The following ARB2A variants were observed in gnomAD, a reference collection of about 807,000 sequenced individuals.
The protein encoded by ARB2A is ARB2 cotranscriptional regulator A, also known as cotranscriptional regulator ARB2A.
chr5:93,736,524 T>G, the ARB2A span: 1 of 152,116 alleles, frequency 6.6e-6, no homozygotes, highest in African/African-American at 2.4e-5. Flanking sequence ...AGTCATTTAC[T>G]CTTACACAAA....
chr5:93,870,336 C>T, the ARB2A span, among the ~76,000 whole-genome samples: 13,228 of 152,222 alleles, frequency 0.087, 780 homozygotes, highest in Middle Eastern at 0.17. Flanking sequence ...CTACCCGATT[C>T]GATTTCTCTA....
the ARB2A span, among the ~76,000 whole-genome samples, chr5:93,830,311 G>GTGTGTGTGTGTGTATA: frequency 1.2e-5 from 1 of 82,258 alleles, no homozygotes; most frequent in African/African-American, 5.2e-5. Context: ...GTGTGTGTGT[G>GTGTGTGTGTGTGTATA]TATATATATA....
At chr5:93,761,328 G>A in the ARB2A span, among the ~76,000 whole-genome samples, 11 of 152,118 alleles carry the variant, frequency 7.2e-5, no homozygotes, top group African/African-American at 2.2e-4. Context: ...GGTGACAGAC[G>A]GCACCTGGAA....
chr5:94,019,578 G>A, the ARB2A span, among the ~76,000 whole-genome samples: 4 of 152,192 alleles, frequency 2.6e-5, no homozygotes, highest in East Asian at 7.7e-4. Context: ...CAAATCAAAT[G>A]AGATACCATC....
At chr5:93,674,373 C>T in the ARB2A span, among the ~76,000 whole-genome samples, 1 of 152,194 alleles carries the variant, frequency 6.6e-6, no homozygotes, top group Non-Finnish European at 1.5e-5. Flanking sequence ...ACTCCACAAA[C>T]ACATTTGCTC....
At chr5:93,721,995 C>T in the ARB2A span, among the ~76,000 whole-genome samples, 3 of 152,148 alleles carry the variant, frequency 2.0e-5, no homozygotes, top group Non-Finnish European at 4.4e-5. Flanking sequence ...GCATTTCCTT[C>T]ACCTCAACTC....
chr5:94,045,495 T>C, the ARB2A span, among the ~76,000 whole-genome samples: 2 of 152,172 alleles, frequency 1.3e-5, no homozygotes, highest in African/African-American at 2.4e-5. Context: ...AACACTTTAA[T>C]AGTATGAAAC....
At chr5:93,774,684 G>C in the ARB2A span, among the ~76,000 whole-genome samples, 2 of 152,252 alleles carry the variant, frequency 1.3e-5, no homozygotes, top group Admixed American at 1.3e-4. Context: ...GTGAAGTGTT[G>C]CTAAGCACAA....
chr5:93,669,576 A>G, the ARB2A span, among the ~76,000 whole-genome samples: 1 of 152,204 alleles, frequency 6.6e-6, no homozygotes, highest in East Asian at 1.9e-4. Flanking sequence ...TTAATAGAGA[A>G]TCAAGGGAAG....
At chr5:93,740,443 TGTA>T in the ARB2A span, 2 of 957,004 alleles carry the variant, frequency 2.1e-6, no homozygotes, top group Non-Finnish European at 3.1e-6. Flanking sequence ...TTCCCTACTA[TGTA>T]TCCTTAACTT....
At chr5:93,813,303 T>C in the ARB2A span, among the ~76,000 whole-genome samples, 3 of 152,316 alleles carry the variant, frequency 2.0e-5, no homozygotes, top group Middle Eastern at 3.4e-3. Context: ...TAGTGTTTTC[T>C]AGAAGGTAGA....
chr5:94,079,087 A>AATT, the ARB2A span, among the ~76,000 whole-genome samples: 1 of 152,234 alleles, frequency 6.6e-6, no homozygotes, highest in Non-Finnish European at 1.5e-5. Context: ...TCTATGCACA[A>AATT]ATAATAAAGT....
chr5:93,734,133 C>T, the ARB2A span: 1 of 152,068 alleles, frequency 6.6e-6, no homozygotes, highest in African/African-American at 2.4e-5. Context: ...AATAAGAAAA[C>T]TTCTAGGAAA....
chr5:93,759,566 T>C, the ARB2A span, among the ~76,000 whole-genome samples: 1 of 152,176 alleles, frequency 6.6e-6, no homozygotes. Context: ...GTGGGTTTCA[T>C]GCCAGGAATG....
At chr5:93,686,972 T>G in the ARB2A span, among the ~76,000 whole-genome samples, 1 of 151,880 alleles carries the variant, frequency 6.6e-6, no homozygotes, top group South Asian at 2.1e-4. Context: ...TTTGGCTACA[T>G]AAAAACGAAA....
chr5:93,751,138 GT>G, the ARB2A span, among the ~76,000 whole-genome samples: 2 of 147,538 alleles, frequency 1.4e-5, no homozygotes, highest in South Asian at 2.1e-4. Context: ...TAGGGTGTAT[GT>G]TTTTTTGCCC....
At chr5:94,053,678 G>A in the ARB2A span, among the ~76,000 whole-genome samples, 194 of 152,140 alleles carry the variant, frequency 1.3e-3, 1 homozygote, top group African/African-American at 4.5e-3. Flanking sequence ...AATAAAACAC[G>A]CTAACTAGCA....
chr5:93,808,959 A>C, the ARB2A span, among the ~76,000 whole-genome samples: 2 of 152,198 alleles, frequency 1.3e-5, no homozygotes, highest in Non-Finnish European at 2.9e-5. Flanking sequence ...GAAAACTGTA[A>C]ATATCTATTA....
chr5:93,809,062 C>A, the ARB2A span, among the ~76,000 whole-genome samples: 1 of 151,864 alleles, frequency 6.6e-6, no homozygotes, highest in Non-Finnish European at 1.5e-5. Flanking sequence ...GCAAATATTT[C>A]TAATATTAAA....
Sources: gnomAD v4.1 joint callset for allele counts (sites outside exome capture counted in the v4.1 genomes callset) on GRCh38, gnomAD v4.1.1 for gene constraint, MANE v1.5 for transcripts, NCBI Gene and HGNC (gene_info 2026-07-23, HGNC 2026-07-21) for gene names.